TRMT11: variants seen among roughly 807,000 people sequenced by gnomAD.
The protein encoded by TRMT11 is tRNA (guanine(10)-N(2))-methyltransferase TRMT11.
A neutral mutation model predicts 62.8 loss-of-function variants in TRMT11; 53 were observed. The ratio of observed to expected loss-of-function variants is 0.84; its 90% confidence interval spans 0.68 to 1.06. The LOEUF (loss-of-function observed/expected upper bound fraction) is 1.06, where lower values mean the gene tolerates loss of function less well. Among genes scored for constraint, TRMT11 ranks in the 50% least tolerant of loss-of-function variants. The pLI is 0.00. For missense variants in TRMT11, 556 were observed against 553.4 expected (o/e 1.00, Z -0.05); for synonymous variants, 188 against 190.3 (o/e 0.99, Z 0.10).
At chr6:125,988,421 G>A (rs915564307) in intron 1 of TRMT11, among the ~76,000 whole-genome samples, 4 of 152,168 alleles carry the variant, frequency 2.6e-5, no homozygotes, top group Non-Finnish European at 5.9e-5. Flanking sequence ...TCCCCATGGA[G>A]AGAATGAGAT....
chr6:126,246,143 A>G, the TRMT11 span, among the ~76,000 whole-genome samples: 1 of 151,838 alleles, frequency 6.6e-6, no homozygotes, highest in Non-Finnish European at 1.5e-5. Context: ...AGGTGTAGTG[A>G]TGTACACCTG....
At chr6:126,225,685 A>ATTTTT in the TRMT11 span, among the ~76,000 whole-genome samples, 76 of 95,296 alleles carry the variant, frequency 8.0e-4, 5 homozygotes, top group Middle Eastern at 5.4e-3. Context: ...TATGTTTACT[A>ATTTTT]TTTTTTTTTT....
downstream of TRMT11, among the ~76,000 whole-genome samples, chr6:126,208,586 A>G (rs920973094): frequency 6.6e-6 from 1 of 152,248 alleles, no homozygotes; most frequent in African/African-American, 2.4e-5. Context: ...AAAAGGATAG[A>G]TGAAAGGACT....
the TRMT11 span, among the ~76,000 whole-genome samples, chr6:126,245,943 A>G: frequency 2.0e-5 from 3 of 152,204 alleles, no homozygotes; most frequent in African/African-American, 7.2e-5. Context: ...ATTATAAAAA[A>G]AGAAAAGAAA....
chr6:126,055,461 T>A (rs150184932), intron 17 of TRMT11, among the ~76,000 whole-genome samples: 13 of 152,246 alleles, frequency 8.5e-5, no homozygotes, highest in African/African-American at 2.2e-4. Context: ...ACATGTCTTA[T>A]GTTGAACAGT....
At chr6:126,163,661 G>T (rs751411592) in intron 21 of TRMT11, among the ~76,000 whole-genome samples, 8 of 152,108 alleles carry the variant, frequency 5.3e-5, no homozygotes, top group Non-Finnish European at 1.0e-4. Context: ...GGTAGAATTC[G>T]GCTGTGAATC....
chr6:126,126,658 A>G (rs1444702882), intron 21 of TRMT11, among the ~76,000 whole-genome samples: 2 of 152,076 alleles, frequency 1.3e-5, no homozygotes, highest in Non-Finnish European at 2.9e-5. Context: ...GGCATCCCTT[A>G]AAGATCCCAG....
At chr6:126,227,835 A>G in the TRMT11 span, among the ~76,000 whole-genome samples, 1 of 152,202 alleles carries the variant, frequency 6.6e-6, no homozygotes, top group African/African-American at 2.4e-5. Context: ...CCCCCTTGGA[A>G]ATGAGGCCAC....
the TRMT11 span, among the ~76,000 whole-genome samples, chr6:126,249,667 T>A: frequency 2.0e-5 from 3 of 152,092 alleles, no homozygotes; most frequent in Non-Finnish European, 2.9e-5. Context: ...AAAATATGCC[T>A]CTTAGAGCCT....
chr6:126,269,095 C>T, the TRMT11 span, among the ~76,000 whole-genome samples: 2 of 150,696 alleles, frequency 1.3e-5, no homozygotes, highest in Non-Finnish European at 3.0e-5. Context: ...AACCCCGTCT[C>T]TACTAAAAAT....
chr6:126,123,448 G>C (rs879392441), intron 21 of TRMT11, among the ~76,000 whole-genome samples: 1 of 152,040 alleles, frequency 6.6e-6, no homozygotes, highest in Non-Finnish European at 1.5e-5. Context: ...GGACAGACTT[G>C]AACACTCCCA....
At chr6:126,181,508 T>C (rs1778466673) in intron 1 of TRMT11, among the ~76,000 whole-genome samples, 1 of 152,180 alleles carries the variant, frequency 6.6e-6, no homozygotes, top group African/African-American at 2.4e-5. Context: ...CCAACTGTTT[T>C]TACCCTAATA....
At chr6:126,237,831 C>T in the TRMT11 span, among the ~76,000 whole-genome samples, 1 of 152,100 alleles carries the variant, frequency 6.6e-6, no homozygotes, top group Non-Finnish European at 1.5e-5. Context: ...GCTGTGAATC[C>T]ATCTGGTCCT....
the TRMT11 span, among the ~76,000 whole-genome samples, chr6:126,250,576 C>T: frequency 6.6e-6 from 1 of 152,090 alleles, no homozygotes. Context: ...TTGGATGAGG[C>T]AAGCATCAAA....
chr6:126,150,434 A>C (rs1435152659), intron 21 of TRMT11, among the ~76,000 whole-genome samples: 1 of 152,218 alleles, frequency 6.6e-6, no homozygotes, highest in East Asian at 1.9e-4. Context: ...AAATTGTTTC[A>C]TCTTTAGGTG....
At chr6:126,136,422 C>T (rs1777850943) in intron 21 of TRMT11, among the ~76,000 whole-genome samples, 1 of 151,430 alleles carries the variant, frequency 6.6e-6, no homozygotes, top group African/African-American at 2.4e-5. Flanking sequence ...ACAATAGCTA[C>T]AAAAATATCA....
the TRMT11 span, among the ~76,000 whole-genome samples, chr6:126,235,731 A>T: frequency 1.3e-5 from 2 of 152,180 alleles, no homozygotes; most frequent in Non-Finnish European, 2.9e-5. Context: ...AGAGAGCATT[A>T]TGAAGAATAG....
chr6:126,143,474 CAG>C (rs1177451337), intron 21 of TRMT11, among the ~76,000 whole-genome samples: 2 of 152,088 alleles, frequency 1.3e-5, no homozygotes, highest in African/African-American at 2.4e-5. Flanking sequence ...GGTCCCTTGA[CAG>C]AGTAAATTTG....
At chr6:126,232,837 C>T in the TRMT11 span, among the ~76,000 whole-genome samples, 27 of 152,128 alleles carry the variant, frequency 1.8e-4, no homozygotes, top group Middle Eastern at 3.2e-3. Context: ...TGAAGCATCC[C>T]TTTCTTGGAA....
Sources: gnomAD v4.1 joint callset for allele counts (sites outside exome capture counted in the v4.1 genomes callset) on GRCh38, gnomAD v4.1.1 for gene constraint, MANE v1.5 for transcripts, NCBI Gene and HGNC (gene_info 2026-07-23, HGNC 2026-07-21) for gene names.